Variants in CD109 observed in about 807,000 individuals in gnomAD.
CD109 encodes CD109 antigen.
A neutral mutation model predicts 165.8 loss-of-function variants in CD109; 149 were observed. That is an observed-to-expected ratio of 0.90 (90% confidence interval 0.79 to 1.03). CD109 has a LOEUF of 1.03. Among genes scored for constraint, CD109 ranks in the 50% least tolerant of loss-of-function variants. The probability of loss-of-function intolerance (pLI) is 0.00; values close to 1 mark genes in which losing one functional copy is unlikely to be tolerated. For missense variants in CD109, 1,712 were observed against 1,677.8 expected (o/e 1.02, Z -0.36); for synonymous variants, 585 against 592.1 (o/e 0.99, Z 0.18).
chr6:73,817,120 A>C (rs949225390), intron 30 of CD109, among the ~76,000 whole-genome samples: 1 of 152,238 alleles, frequency 6.6e-6, no homozygotes, highest in East Asian at 1.9e-4. Context: ...CATTATAAAA[A>C]GATTACTTGA....
chr6:73,803,230 A>G lies in CD109; in HGVS notation c.2889A>G (p.Arg963=). Residue 963 remains arginine, a synonymous_variant, in exon 24 of 33, where the codon AGA becomes AGG. Transcript: ENST00000287097. ...TATTTTTGTGTCTAGGTTACCAGAG[A>G]GAACTTCTCTATCAGAGGGAAGATG... is the stretch of plus-strand genomic sequence containing the variant. The part of the protein sequence containing the change: ...ALSFMRQGYQ[R]ELLYQREDGS... The G allele has an allele frequency of 1.9e-6, 3 of 1,610,644 alleles. No homozygotes were observed. Among genetic ancestry groups the G allele is most frequent in the Non-Finnish European group, 2.5e-6 (3 of 1,178,158 alleles).
chr6:73,756,514 G>T, intron 5 of CD109, 129 bp from the exon 6 acceptor site: 1 of 624,512 alleles, frequency 1.6e-6, no homozygotes, highest in Non-Finnish European at 2.7e-6. Flanking sequence ...AAACAAGTTT[G>T]TTCATTGCAT....
intron 3 of CD109, among the ~76,000 whole-genome samples, chr6:73,727,741 C>A (rs141547083): frequency 1.3e-5 from 2 of 152,114 alleles, no homozygotes; most frequent in Non-Finnish European, 2.9e-5. Flanking sequence ...ATAAACATAT[C>A]AAATCAGGAA....
At chr6:73,680,829 G>A in the CD109 span, among the ~76,000 whole-genome samples, 2 of 152,122 alleles carry the variant, frequency 1.3e-5, no homozygotes, top group Non-Finnish European at 2.9e-5. Context: ...TTCAAAGCAC[G>A]GCGCCTGGGT....
rs1308959799 is a variant in CD109, at chr6:73,730,385, A to C, written c.318A>C (p.Val106=). The change falls in exon 4 of 33, where the codon GTA becomes GTC. Residue 106 remains valine (V), a synonymous_variant. Transcript: ENST00000287097. ...NSADEIYELR[V]TGRTQDEILF... ...CAGATGAGATTTATGAGCTACGTGTAACCGGACGTACCCAGGATGAGATTT... is the reference window on the plus strand; with the variant it reads ...CAGATGAGATTTATGAGCTACGTGTCACCGGACGTACCCAGGATGAGATTT... The C allele has an allele frequency of 6.2e-7, 1 of 1,614,006 alleles. No homozygotes were observed. The highest frequency in any genetic ancestry group is 8.5e-7 in the Non-Finnish European group (1 of 1,179,848).
At chr6:73,685,193 T>C in the CD109 span, among the ~76,000 whole-genome samples, 1 of 152,154 alleles carries the variant, frequency 6.6e-6, no homozygotes, top group Non-Finnish European at 1.5e-5. Flanking sequence ...TGAGCCACTG[T>C]GCCTAGCCTG....
At chr6:73,722,863 A>G (rs534029233) in intron 2 of CD109, among the ~76,000 whole-genome samples, 184 of 152,278 alleles carry the variant, frequency 1.2e-3, no homozygotes, top group Middle Eastern at 3.4e-3. Flanking sequence ...TTCTTCCTTT[A>G]TCACGAGGGT....
chr6:73,738,746 T>C (rs895935620), intron 5 of CD109, among the ~76,000 whole-genome samples: 6 of 152,242 alleles, frequency 3.9e-5, no homozygotes, highest in African/African-American at 1.4e-4. Context: ...GCCCTTCCTC[T>C]TGAACTCTAT....
intron 3 of CD109, among the ~76,000 whole-genome samples, chr6:73,729,838 A>G (rs990558693): frequency 6.6e-6 from 1 of 152,074 alleles, no homozygotes; most frequent in African/African-American, 2.4e-5. Context: ...TAATAGTAGT[A>G]GTAGAAGTAG....
chr6:73,759,707 G>T (rs1773536032), intron 7 of CD109, among the ~76,000 whole-genome samples: 1 of 152,074 alleles, frequency 6.6e-6, no homozygotes, highest in Admixed American at 6.5e-5. Flanking sequence ...TTACTACCAT[G>T]TGATATAACT....
intron 5 of CD109, among the ~76,000 whole-genome samples, chr6:73,744,886 C>CAG (rs1772921227): frequency 6.6e-6 from 1 of 152,120 alleles, no homozygotes; most frequent in Non-Finnish European, 1.5e-5. Flanking sequence ...TATGTAGCAT[C>CAG]ATCAGTACAT....
At chr6:73,756,821 C>A in intron 6 of CD109, 139 bp downstream of exon 6, 1 of 517,634 alleles carries the variant, frequency 1.9e-6, no homozygotes, top group Non-Finnish European at 3.2e-6. Context: ...AAAGGCCTAA[C>A]CATATTTTTT....
chr6:73,824,207 C>T lies in CD109; in HGVS notation c.*574C>T, dbSNP rs2150315978. 1 of 142,692 alleles carries T rather than the reference C, an allele frequency of 7.0e-6. No homozygotes were observed. The highest frequency in any genetic ancestry group is 2.1e-4 in the East Asian group (1 of 4,676). The allele number at this position is 142,692 out of a possible 1,614,324, so 8.8% of individuals were successfully genotyped here. A position where few individuals can be genotyped will look rare whatever the true frequency, so the allele number is the denominator to read the frequency against. The stretch of plus-strand genomic sequence containing the variant: ...TTTTTTTAAGTGGCACGGTCTTTTT[C>T]TGCTTGAAATCTGATCACACCCCCC... On this transcript the variant is annotated 3_prime_UTR_variant, in exon 33 of 33. Transcript: ENST00000287097.
intron 24 of CD109, among the ~76,000 whole-genome samples, chr6:73,804,831 A>G (rs943191331): frequency 6.6e-6 from 1 of 152,152 alleles, no homozygotes; most frequent in African/African-American, 2.4e-5. Context: ...AATTTATTTA[A>G]CTCTCTTGGA....
At chr6:73,807,553 G>A (rs568139972) in intron 25 of CD109, among the ~76,000 whole-genome samples, 3 of 152,268 alleles carry the variant, frequency 2.0e-5, no homozygotes, top group South Asian at 2.1e-4. Flanking sequence ...ATGAGTATGC[G>A]TGGAAAGGTA....
Position 73,762,387 on chromosome 6 carries a change from T to A in CD109, c.762T>A (p.Tyr254Ter). 1 of 1,583,170 alleles carries A rather than the reference T, an allele frequency of 6.3e-7. No individual in the cohort carries two copies. The highest frequency in any genetic ancestry group is 1.7e-5 in the Admixed American group (1 of 59,676). The change falls in exon 8 of 33, where the codon TAT becomes TAA. Residue 254 changes from tyrosine to a stop codon, truncating the protein, a stop_gained. Transcript: ENST00000287097. LOFTEE classifies it high-confidence loss of function. Reference protein sequence around the residue: ...KHLNGTITAKYTYGKPVKGDV... With the variant: ...KHLNGTITAK ...GACTATGTTTATAATTATTCAGGTA[T>A]ACATATGGGAAGCCAGTGAAAGGAG...
At chr6:73,708,253 G>T (rs1013713831) in intron 2 of CD109, among the ~76,000 whole-genome samples, 9 of 151,842 alleles carry the variant, frequency 5.9e-5, no homozygotes, top group African/African-American at 2.2e-4. Flanking sequence ...GCGGTGTTTG[G>T]TTTTTTGTCC....
chr6:73,684,210 T>C, the CD109 span, among the ~76,000 whole-genome samples: 1 of 151,802 alleles, frequency 6.6e-6, no homozygotes, highest in Non-Finnish European at 1.5e-5. Flanking sequence ...TCTTTTCTTT[T>C]GTCGTTCTTT....
intron 2 of CD109, among the ~76,000 whole-genome samples, chr6:73,707,973 T>C (rs1237529037): frequency 6.2e-4 from 2 of 3,236 alleles, no homozygotes; most frequent in African/African-American, 7.8e-4. Flanking sequence ...TATATATATA[T>C]ATATATATAT....
Sources: allele counts gnomAD v4.1 joint callset (sites outside exome capture counted in the v4.1 genomes callset), GRCh38; gene constraint gnomAD v4.1.1; transcripts MANE v1.5; gene names NCBI Gene and HGNC (gene_info 2026-07-23, HGNC 2026-07-21).